Variants in ZBTB7C observed in about 807,000 individuals in gnomAD.
The protein encoded by ZBTB7C is zinc finger and BTB domain containing 7C.
In ZBTB7C, 8 loss-of-function variants were observed where a neutral mutation model predicts 25.7. That is an observed-to-expected ratio of 0.31 (90% CI 0.18 to 0.56). The LOEUF is 0.56. ZBTB7C is among the 20% of genes least tolerant of loss of function. ZBTB7C has a pLI of 0.91. For synonymous variants in ZBTB7C, 394 were observed against 369.0 expected, an observed-to-expected ratio of 1.07 and a Z score of -0.78; for missense variants, 824 against 855.2, an observed-to-expected ratio of 0.96 and a Z score of 0.46.
At chr18:48,209,958 T>G (rs2042665490) in intron 2 of ZBTB7C, among the ~76,000 whole-genome samples, 1 of 152,068 alleles carries the variant, frequency 6.6e-6, no homozygotes, top group Non-Finnish European at 1.5e-5. Flanking sequence ...TTTAAAGAAC[T>G]CTCAGAACTC....
Position 48,040,885 on chromosome 18 carries a change from A to G in ZBTB7C, c.223T>C (p.Tyr75His). Reference protein sequence around the residue: ...AGTLASQPYVYEIDFVQPEAL... With the variant: ...AGTLASQPYVHEIDFVQPEAL... ...TCAGGCTGGACAAAGTCGATCTCAT[A>G]GACGTAGGGCTGGCTGGCTAGGGTG... Residue 75 changes from tyrosine (Y) to histidine (H), a missense_variant, in exon 4 of 5, where the codon TAT becomes CAT. Transcript: ENST00000590800. The G allele has an allele frequency of 6.2e-7, 1 of 1,614,152 alleles. No homozygotes were observed. The highest frequency in any genetic ancestry group is 8.5e-7 in the Non-Finnish European group (1 of 1,180,034).
intron 3 of ZBTB7C, among the ~76,000 whole-genome samples, chr18:48,151,044 T>C (rs1222898442): frequency 6.6e-6 from 1 of 152,204 alleles, no homozygotes; most frequent in African/African-American, 2.4e-5. Flanking sequence ...GGATGCATGC[T>C]GCCGATATGG....
At chr18:48,082,663 C>G (rs919731227) in intron 3 of ZBTB7C, among the ~76,000 whole-genome samples, 1 of 152,194 alleles carries the variant, frequency 6.6e-6, no homozygotes, top group Non-Finnish European at 1.5e-5. Context: ...GTAAGGCAAA[C>G]AGCAGACTCT....
intron 2 of ZBTB7C, among the ~76,000 whole-genome samples, chr18:48,286,811 G>A (rs1164734876): frequency 6.6e-6 from 1 of 151,940 alleles, no homozygotes; most frequent in African/African-American, 2.4e-5. Flanking sequence ...CAGTACTTTG[G>A]GAGGCTAAGG....
intron 2 of ZBTB7C, among the ~76,000 whole-genome samples, chr18:48,308,188 TACAG>T (rs1568366782): frequency 6.6e-6 from 1 of 152,152 alleles, no homozygotes; most frequent in Non-Finnish European, 1.5e-5. Context: ...ATTAGGTATG[TACAG>T]ACAAGGCTAC....
chr18:48,401,381 TATCTC>T (rs1377771008), intron 1 of ZBTB7C, among the ~76,000 whole-genome samples: 1 of 152,176 alleles, frequency 6.6e-6, no homozygotes, highest in African/African-American at 2.4e-5. Context: ...TGTATTATCT[TATCTC>T]ATTTTCTCAG....
intron 3 of ZBTB7C, among the ~76,000 whole-genome samples, chr18:48,061,365 T>C (rs1458083889): frequency 6.6e-6 from 1 of 152,164 alleles, no homozygotes; most frequent in Non-Finnish European, 1.5e-5. Context: ...CCACCTGGTA[T>C]AGTCCCACGT....
intron 2 of ZBTB7C, among the ~76,000 whole-genome samples, chr18:48,232,829 G>A (rs2145356807): frequency 1.3e-5 from 2 of 152,210 alleles, no homozygotes; most frequent in East Asian, 1.9e-4. Context: ...TTTTATCCCA[G>A]TACCCCAGTT....
intron 2 of ZBTB7C, among the ~76,000 whole-genome samples, chr18:48,313,211 T>C (rs1234633567): frequency 6.6e-6 from 1 of 152,240 alleles, no homozygotes; most frequent in Admixed American, 6.5e-5. Context: ...AGGCCAGTTG[T>C]GGCTGTCATG....
At chr18:48,123,980 T>G (rs543707179) in intron 3 of ZBTB7C, among the ~76,000 whole-genome samples, 21 of 152,194 alleles carry the variant, frequency 1.4e-4, no homozygotes, top group Non-Finnish European at 2.9e-4. Flanking sequence ...GTGAGATGGT[T>G]TCTTTCCTGC....
chr18:48,353,884 G>GT (rs2046918504), intron 1 of ZBTB7C, among the ~76,000 whole-genome samples: 1 of 152,088 alleles, frequency 6.6e-6, no homozygotes. Context: ...CCAGGAGGGG[G>GT]GTCCAAAGGG....
intron 2 of ZBTB7C, among the ~76,000 whole-genome samples, chr18:48,282,790 T>C (rs2044907246): frequency 6.6e-6 from 1 of 152,184 alleles, no homozygotes; most frequent in Non-Finnish European, 1.5e-5. Flanking sequence ...GTTAATAAAG[T>C]TCAAACACAG....
intron 2 of ZBTB7C, among the ~76,000 whole-genome samples, chr18:48,312,152 C>T (rs896608867): frequency 1.3e-5 from 2 of 152,252 alleles, no homozygotes; most frequent in African/African-American, 4.8e-5. Context: ...ACGTGCTGGG[C>T]TCACATGCCT....
intron 3 of ZBTB7C, among the ~76,000 whole-genome samples, chr18:48,082,387 A>C (rs1230846993): frequency 2.6e-5 from 4 of 152,144 alleles, no homozygotes; most frequent in Non-Finnish European, 4.4e-5. Context: ...CAACCCACCT[A>C]CATTACCGAA....
At chr18:48,140,951 CTGCCCCATT>C (rs2040323643) in intron 3 of ZBTB7C, among the ~76,000 whole-genome samples, 1 of 152,214 alleles carries the variant, frequency 6.6e-6, no homozygotes, top group Admixed American at 6.5e-5. Flanking sequence ...ACTGGTCTCT[CTGCCCCATT>C]CCTGTTCTGC....
intron 2 of ZBTB7C, among the ~76,000 whole-genome samples, chr18:48,227,469 G>C (rs1256804217): frequency 6.6e-6 from 1 of 152,186 alleles, no homozygotes; most frequent in African/African-American, 2.4e-5. Context: ...TGTCTTACTT[G>C]GAACGGCCTC....
intron 2 of ZBTB7C, among the ~76,000 whole-genome samples, chr18:48,214,943 T>C (rs945832068): frequency 6.6e-6 from 1 of 152,228 alleles, no homozygotes; most frequent in African/African-American, 2.4e-5. Context: ...CCTTCGGGTT[T>C]ATATCTAGAA....
chr18:48,058,393 T>C (rs1184854443), intron 3 of ZBTB7C, among the ~76,000 whole-genome samples: 1 of 152,194 alleles, frequency 6.6e-6, no homozygotes, highest in Non-Finnish European at 1.5e-5. Context: ...CAGTCTGTTC[T>C]GGATATAATT....
At chr18:48,049,017 T>C (rs981531086) in intron 3 of ZBTB7C, among the ~76,000 whole-genome samples, 1 of 152,224 alleles carries the variant, frequency 6.6e-6, no homozygotes, top group African/African-American at 2.4e-5. Context: ...AACCCATTTA[T>C]GCCTAGTGTT....
Sources: allele counts gnomAD v4.1 joint callset (sites outside exome capture counted in the v4.1 genomes callset), GRCh38; gene constraint gnomAD v4.1.1; transcripts MANE v1.5; gene names NCBI Gene and HGNC (gene_info 2026-07-23, HGNC 2026-07-21).